Variants in SYT16 observed in about 807,000 individuals in gnomAD.
SYT16 encodes synaptotagmin 16.
Under a neutral mutation model 61.4 loss-of-function variants are expected in SYT16, and 42 were observed. The ratio of observed to expected loss-of-function variants is 0.68; its 90% CI spans 0.53 to 0.89. The LOEUF (loss-of-function observed/expected upper bound fraction) is 0.89, where lower values mean the gene tolerates loss of function less well. Among genes scored for constraint, SYT16 ranks in the 40% least tolerant of loss-of-function variants. The pLI is 0.00. For missense variants in SYT16, 804 were observed against 807.3 expected, an observed-to-expected ratio of 1.00 and a Z score of 0.05; for synonymous variants, 314 against 302.3, an observed-to-expected ratio of 1.04 and a Z score of -0.40.
chr14:61,844,867 G>A (rs189317348), intron 1 of SYT16, among the ~76,000 whole-genome samples: 60 of 152,068 alleles, frequency 3.9e-4, no homozygotes, highest in African/African-American at 1.2e-3. Context: ...GTCTTTGTCT[G>A]GTTTTGGTAT....
intron 1 of SYT16, among the ~76,000 whole-genome samples, chr14:61,899,408 G>A (rs970032069): frequency 4.6e-5 from 7 of 152,186 alleles, no homozygotes; most frequent in African/African-American, 1.7e-4. Context: ...CATGTGCCAG[G>A]TGCTTTGCTA....
chr14:61,821,858 T>A (rs1028196242), intron 1 of SYT16, among the ~76,000 whole-genome samples: 6 of 152,242 alleles, frequency 3.9e-5, no homozygotes, highest in African/African-American at 1.4e-4. Flanking sequence ...TTATATCTAC[T>A]TCTTCAATTA....
At chr14:61,864,417 C>A (rs573577643) in intron 1 of SYT16, among the ~76,000 whole-genome samples, 1 of 152,370 alleles carries the variant, frequency 6.6e-6, no homozygotes, top group African/African-American at 2.4e-5. Context: ...GCTGCCCGAG[C>A]TGGGCGTGCA....
chr14:61,929,375 T>C (rs1017362330), intron 1 of SYT16, among the ~76,000 whole-genome samples: 55 of 152,034 alleles, frequency 3.6e-4, no homozygotes, highest in African/African-American at 9.7e-5. Flanking sequence ...CAGAGAAAAG[T>C]GTTTATGTTG....
At chr14:61,880,793 C>T (rs1321885324) in intron 1 of SYT16, among the ~76,000 whole-genome samples, 3 of 151,962 alleles carry the variant, frequency 2.0e-5, no homozygotes, top group African/African-American at 7.3e-5. Context: ...TTCTTATAGG[C>T]AGCCAGTTTG....
At position 62,108,182 on chromosome 14, in the gene SYT16, G is replaced by A. The variant is rs2057545135; in HGVS notation, c.*7475G>A. ...CAGATAGACCAATACTTTTTTCCTA[G>A]ACTCAACCCATTTTTAAAGCAGGAG... On this transcript the variant is annotated 3_prime_UTR_variant, in exon 8 of 8. Transcript: ENST00000683842. 6.6e-6 allele frequency: 1 copy of A among 152,118 alleles called. No individual in the cohort carries two copies. The highest frequency in any genetic ancestry group is 2.1e-4 in the South Asian group (1 of 4,826). The allele number at this position is 152,118 out of a possible 1,614,324, so 9.4% of individuals were successfully genotyped here. A position where few individuals can be genotyped will look rare whatever the true frequency, so the allele number is the denominator to read the frequency against.
At chr14:62,005,979 G>T (rs1042165322) in intron 3 of SYT16, among the ~76,000 whole-genome samples, 1 of 152,124 alleles carries the variant, frequency 6.6e-6, no homozygotes, top group African/African-American at 2.4e-5. Context: ...AGATGGAGGA[G>T]GTTGCCTAAG....
At chr14:62,060,866 C>T (rs2055796738) in intron 3 of SYT16, among the ~76,000 whole-genome samples, 1 of 151,898 alleles carries the variant, frequency 6.6e-6, no homozygotes, top group South Asian at 2.1e-4. Context: ...TTCTTTCTTT[C>T]TCTTCTTTCT....
Position 62,093,914 on chromosome 14 carries a change from G to C in SYT16, c.1625-6480G>C, listed in dbSNP as rs368087096. On this transcript the variant is annotated intron_variant, in intron 7 of 7. Coordinates refer to ENST00000683842, the MANE Select transcript of SYT16 (RefSeq NM_001367656.1). ...AAGCTTATTTCTCCTTTGCATTACA[G>C]TCCAAAGTAGTTATGTGACTGTTCT... 3.3e-5 allele frequency among the ~76,000 whole-genome samples: 5 copies of C among 152,148 alleles called. No homozygotes were observed. The East Asian group carries it at 9.6e-4, about 29-fold the overall frequency.
At chr14:62,028,031 C>T (rs945679428) in intron 3 of SYT16, among the ~76,000 whole-genome samples, 10 of 152,150 alleles carry the variant, frequency 6.6e-5, no homozygotes, top group Non-Finnish European at 1.3e-4. Context: ...CTTCTTATCA[C>T]TGAAGGCTGT....
intron 7 of SYT16, among the ~76,000 whole-genome samples, chr14:62,092,193 CACACACA>C (rs1566841945): frequency 1.7e-4 from 17 of 100,486 alleles, no homozygotes; most frequent in African/African-American, 3.8e-4. Context: ...CACACACACA[CACACACA>C]CACACACACA....
intron 7 of SYT16, 48 bp from the exon 8 acceptor site, chr14:62,100,346 A>G: frequency 6.8e-7 from 1 of 1,469,600 alleles, no homozygotes; most frequent in Non-Finnish European, 9.1e-7. Flanking sequence ...AACAGAGAGC[A>G]CTAATGTTTC....
At chr14:62,067,355 C>T (rs1010467643) in intron 3 of SYT16, among the ~76,000 whole-genome samples, 1 of 151,970 alleles carries the variant, frequency 6.6e-6, no homozygotes, top group South Asian at 2.1e-4. Flanking sequence ...GGAGGGTGTT[C>T]AGGGAGGACT....
At position 62,106,064 on chromosome 14, in the gene SYT16, C is replaced by T. The variant is rs1450561264; in HGVS notation, c.*5357C>T. On this transcript the variant is annotated 3_prime_UTR_variant, in exon 8 of 8. Transcript: ENST00000683842. The stretch of plus-strand genomic sequence containing the variant: ...GATGGTGCACACTTTCTCTTCTTGA[C>T]CACATGGATAGATTTCAGAGCATCC... 6.6e-6 allele frequency: 1 copy of T among 152,154 alleles called. No individual in the cohort carries two copies. Among genetic ancestry groups the T allele is most frequent in the Non-Finnish European group, 1.5e-5 (1 of 68,034 alleles). 9.4% of individuals were successfully genotyped at this position (152,154 alleles called of 1,614,324 possible).
intron 2 of SYT16, among the ~76,000 whole-genome samples, chr14:61,995,470 A>G (rs952104478): frequency 2.6e-5 from 4 of 152,182 alleles, no homozygotes; most frequent in African/African-American, 7.2e-5. Context: ...CTTTAGTGTC[A>G]TAAAGCAGAG....
chr14:61,858,387 T>TA (rs2046851205), intron 1 of SYT16, among the ~76,000 whole-genome samples: 1 of 152,066 alleles, frequency 6.6e-6, no homozygotes, highest in African/African-American at 2.4e-5. Flanking sequence ...AAAAATGGAA[T>TA]AAAAAGATCA....
At chr14:62,078,172 A>AACACACACAC (rs144022896) in intron 5 of SYT16, among the ~76,000 whole-genome samples, 1,562 of 128,736 alleles carry the variant, frequency 0.012, 11 homozygotes, top group Non-Finnish European at 0.015. Flanking sequence ...TATATATATA[A>AACACACACAC]ACACACACAC....
chr14:62,059,766 ATGT>A (rs1566808266), intron 3 of SYT16, among the ~76,000 whole-genome samples: 2 of 124,180 alleles, frequency 1.6e-5, no homozygotes, highest in Non-Finnish European at 3.1e-5. Context: ...ATATGTGTAT[ATGT>A]ATACACATAC....
intron 3 of SYT16, among the ~76,000 whole-genome samples, chr14:62,032,883 A>G (rs1167615544): frequency 1.3e-5 from 2 of 151,994 alleles, no homozygotes; most frequent in Non-Finnish European, 2.9e-5. Context: ...AGAAATTTGT[A>G]TCCCTAATTG....
Sources: gnomAD v4.1 joint callset for allele counts (sites outside exome capture counted in the v4.1 genomes callset) on GRCh38, gnomAD v4.1.1 for gene constraint, MANE v1.5 for transcripts, NCBI Gene and HGNC (gene_info 2026-07-23, HGNC 2026-07-21) for gene names.